UBASH3B: variants seen among roughly 807,000 people sequenced by gnomAD.
UBASH3B encodes ubiquitin-associated and SH3 domain-containing protein B.
UBASH3B carries 37 observed loss-of-function variants against 83.4 expected under a neutral mutation model. That is an observed-to-expected ratio of 0.44 (90% CI 0.34 to 0.58). The LOEUF (loss-of-function observed/expected upper bound fraction) is 0.58, where lower values mean the gene tolerates loss of function less well. Among genes scored for constraint, UBASH3B ranks in the 20% least tolerant of loss-of-function variants. The pLI is 0.01. For missense variants in UBASH3B, 657 were observed against 827.2 expected, an observed-to-expected ratio of 0.79 and a Z score of 2.52; for synonymous variants, 304 against 318.3, an observed-to-expected ratio of 0.96 and a Z score of 0.48.
At chr11:122,786,705 G>A (rs926151911) in intron 5 of UBASH3B, among the ~76,000 whole-genome samples, 35 of 152,110 alleles carry the variant, frequency 2.3e-4, no homozygotes, top group African/African-American at 8.0e-4. Context: ...TAAAACAAAA[G>A]AATAAGTAGA....
At chr11:122,731,762 G>A (rs7943962) in intron 1 of UBASH3B, among the ~76,000 whole-genome samples, 47,743 of 152,086 alleles carry the variant, frequency 0.31, 8,877 homozygotes, top group Middle Eastern at 0.48. Context: ...TTGACCACTG[G>A]TAACTGAACC....
At chr11:122,760,737 T>C (rs1036540460) in intron 1 of UBASH3B, among the ~76,000 whole-genome samples, 23 of 152,168 alleles carry the variant, frequency 1.5e-4, no homozygotes, top group South Asian at 2.1e-4. Flanking sequence ...AGGAGACAGA[T>C]GTGAGGCCAT....
intron 1 of UBASH3B, among the ~76,000 whole-genome samples, chr11:122,742,038 T>C (rs1488802000): frequency 2.0e-5 from 3 of 152,206 alleles, no homozygotes; most frequent in Non-Finnish European, 4.4e-5. Flanking sequence ...GACCCCTCCC[T>C]ACCTCCTCAC....
rs1221397678 is a variant in UBASH3B at position 122,655,747 on chromosome 11, G to A, written c.-303G>A. On this transcript the variant is annotated 5_prime_UTR_variant, in exon 1 of 14. Transcript: ENST00000284273. ...ATTGCAAATTCCCGGACTGCTAGGC[G>A]AGGAGAGGGAAGGGGGCGGAGGAGA... 5.9e-6 allele frequency: 2 copies of A among 338,450 alleles called. No individual in the cohort carries two copies. The highest frequency in any genetic ancestry group is 9.1e-5 in the South Asian group (1 of 11,032). The allele number at this position is 338,450 out of a possible 1,614,324, so 21.0% of individuals were successfully genotyped here. A position where few individuals can be genotyped will look rare whatever the true frequency, so the allele number is the denominator to read the frequency against.
intron 1 of UBASH3B, among the ~76,000 whole-genome samples, chr11:122,721,117 T>C (rs1191618647): frequency 2.0e-5 from 3 of 151,902 alleles, no homozygotes; most frequent in Admixed American, 1.3e-4. Context: ...TGGTGGCGTG[T>C]GCCTGTAGTC....
At chr11:122,660,165 C>A (rs903598689) in intron 1 of UBASH3B, among the ~76,000 whole-genome samples, 9 of 152,162 alleles carry the variant, frequency 5.9e-5, no homozygotes, top group African/African-American at 1.4e-4. Flanking sequence ...CTCCCTGGAG[C>A]TGGGCTAGGT....
intron 9 of UBASH3B, among the ~76,000 whole-genome samples, chr11:122,798,468 T>A (rs1244048820): frequency 4.0e-5 from 6 of 151,864 alleles, no homozygotes; most frequent in African/African-American, 1.5e-4. Context: ...ATCCCAGCAC[T>A]TTGGGAGGCT....
chr11:122,659,281 A>G (rs1172063862), intron 1 of UBASH3B, among the ~76,000 whole-genome samples: 1 of 152,188 alleles, frequency 6.6e-6, no homozygotes, highest in Non-Finnish European at 1.5e-5. Context: ...AGCCTATCAC[A>G]GCTATTATTA....
chr11:122,802,354 G>A (rs1316218522), intron 11 of UBASH3B, among the ~76,000 whole-genome samples: 2 of 142,778 alleles, frequency 1.4e-5, no homozygotes, highest in African/African-American at 2.6e-5. Context: ...TAATAATATA[G>A]TTACCTTAAC....
intron 11 of UBASH3B, among the ~76,000 whole-genome samples, chr11:122,804,283 G>A (rs898367648): frequency 2.6e-5 from 4 of 152,102 alleles, no homozygotes; most frequent in African/African-American, 9.7e-5. Context: ...CCCAACAAGT[G>A]GTGATTCAGG....
chr11:122,748,981 T>G (rs1861162308), intron 1 of UBASH3B, among the ~76,000 whole-genome samples: 1 of 152,244 alleles, frequency 6.6e-6, no homozygotes, highest in Non-Finnish European at 1.5e-5. Flanking sequence ...TACGCCTACA[T>G]GGAGAATGTT....
At chr11:122,715,146 C>T (rs1358596558) in intron 1 of UBASH3B, among the ~76,000 whole-genome samples, 2 of 152,124 alleles carry the variant, frequency 1.3e-5, no homozygotes, top group Non-Finnish European at 2.9e-5. Context: ...GGGGTTTCAC[C>T]GTGTTAGCCA....
At chr11:122,723,157 G>A (rs1253469990) in intron 1 of UBASH3B, among the ~76,000 whole-genome samples, 2 of 152,134 alleles carry the variant, frequency 1.3e-5, no homozygotes, top group African/African-American at 2.4e-5. Context: ...GTAGGCTTAA[G>A]AGGATCAGAA....
chr11:122,733,415 A>G (rs79604185), intron 1 of UBASH3B, among the ~76,000 whole-genome samples: 9 of 152,364 alleles, frequency 5.9e-5, no homozygotes, highest in African/African-American at 1.9e-4. Context: ...ATCAACAAGT[A>G]TGTCAACGAT....
intron 1 of UBASH3B, among the ~76,000 whole-genome samples, chr11:122,753,724 A>T (rs985407408): frequency 6.6e-5 from 10 of 151,800 alleles, no homozygotes; most frequent in African/African-American, 2.4e-4. Flanking sequence ...CGAACTCCTG[A>T]TCTCAGATGA....
In UBASH3B at chr11:122,789,105, A is replaced by C. The variant is rs1482742286; in HGVS notation, c.777A>C (p.Leu259Phe). Residue 259 changes from leucine to phenylalanine, a missense_variant, in exon 6 of 14, where the codon TTA becomes TTC. By Grantham distance (22) the Leu-to-Phe change is conservative. Transcript: ENST00000284273. ...ACCCTCTCTTCCTTTTCCAGACATT[A>C]CAGGTCATCTACCCCTATACCCCAC... ...RDIRFANHET[L>F]QVIYPYTPQN... The C allele has an allele frequency of 1.2e-6, 2 of 1,612,092 alleles. No individual in the cohort carries two copies. Among genetic ancestry groups the C allele is most frequent in the Non-Finnish European group, 1.7e-6 (2 of 1,179,436 alleles).
At chr11:122,807,195 G>A (rs1430952312) in intron 12 of UBASH3B, among the ~76,000 whole-genome samples, 2 of 152,216 alleles carry the variant, frequency 1.3e-5, no homozygotes, top group East Asian at 3.9e-4. Flanking sequence ...TATCAACCAG[G>A]AAGTCTCAAG....
intron 11 of UBASH3B, 96 bp downstream of exon 11, chr11:122,801,428 C>T (rs1591330910): frequency 1.4e-6 from 2 of 1,394,720 alleles, no homozygotes; most frequent in East Asian, 4.7e-5. Context: ...GGCTGGACAT[C>T]ACCTACAGGC....
chr11:122,718,513 G>T (rs1860564508), intron 1 of UBASH3B, among the ~76,000 whole-genome samples: 1 of 152,190 alleles, frequency 6.6e-6, no homozygotes, highest in South Asian at 2.1e-4. Context: ...CTGGCTTCTT[G>T]ATCCATCAAA....
Sources: gnomAD v4.1 joint callset for allele counts (sites outside exome capture counted in the v4.1 genomes callset) on GRCh38, gnomAD v4.1.1 for gene constraint, MANE v1.5 for transcripts, NCBI Gene and HGNC (gene_info 2026-07-23, HGNC 2026-07-21) for gene names.